The following RMDN1 variants were observed in gnomAD, a reference collection of about 807,000 sequenced individuals.
The protein encoded by RMDN1 is regulator of microtubule dynamics 1, also known as regulator of microtubule dynamics protein 1.
Under a neutral mutation model 48.9 loss-of-function variants are expected in RMDN1, and 48 were observed. The ratio of observed to expected loss-of-function variants is 0.98; its 90% CI spans 0.78 to 1.25. RMDN1 has a LOEUF of 1.25. Among genes scored for constraint, RMDN1 ranks in the 50% most tolerant of loss-of-function variants. The pLI is 0.00. For synonymous variants in RMDN1, 148 were observed against 132.6 expected (o/e 1.12, Z -0.80); for missense variants, 418 against 373.4 (o/e 1.12, Z -0.98).
At chr8:86,513,043 T>G (rs373605812), upstream of RMDN1, among the ~76,000 whole-genome samples, 56 of 150,776 alleles carry the variant, frequency 3.7e-4, 2 homozygotes, top group South Asian at 8.2e-3. Flanking sequence ...CTTCACCCAT[T>G]TTTCTATTGG....
chr8:86,470,288 A>C (rs1316968181), downstream of RMDN1: 1 of 1,289,222 alleles, frequency 7.8e-7, no homozygotes, highest in Non-Finnish European at 1.0e-6. Flanking sequence ...ACACAAGAAC[A>C]ATCAGGTGGG....
intron 2 of RMDN1, among the ~76,000 whole-genome samples, chr8:86,495,267 G>A (rs1817154358): frequency 6.6e-6 from 1 of 152,128 alleles, no homozygotes; most frequent in African/African-American, 2.4e-5. Flanking sequence ...AAGCTCCTAG[G>A]GAAAGGGTAA....
downstream of RMDN1, among the ~76,000 whole-genome samples, chr8:86,469,715 G>C (rs997490764): frequency 1.3e-5 from 2 of 152,122 alleles, no homozygotes; most frequent in African/African-American, 4.8e-5. Context: ...ACAACTAAAA[G>C]TTCTCCTGTA....
At chr8:86,484,612 G>T (rs1815139483) in intron 5 of RMDN1, 2 of 226,422 alleles carry the variant, frequency 8.8e-6, no homozygotes, top group Non-Finnish European at 1.7e-5. Context: ...CAGCTACTCG[G>T]GAGGCTGAGG....
chr8:86,511,597 C>A (rs1820047683), upstream of RMDN1, among the ~76,000 whole-genome samples: 1 of 152,032 alleles, frequency 6.6e-6, no homozygotes, highest in Non-Finnish European at 1.5e-5. Flanking sequence ...ATTTCTTGAG[C>A]TCAGGAGTTT....
At chr8:86,471,482 A>G (rs1423039842), downstream of RMDN1, among the ~76,000 whole-genome samples, 1 of 152,182 alleles carries the variant, frequency 6.6e-6, no homozygotes, top group Non-Finnish European at 1.5e-5. Flanking sequence ...ATTATTAGAT[A>G]TTTAAAAAAT....
At chr8:86,505,458 T>C in intron 2 of RMDN1, 1 of 423,528 alleles carries the variant, frequency 2.4e-6, no homozygotes, top group Non-Finnish European at 4.9e-6. Context: ...TACATATGAG[T>C]GTGGAAGGCA....
At chr8:86,500,447 C>A (rs1445054975) in intron 2 of RMDN1, among the ~76,000 whole-genome samples, 1 of 151,464 alleles carries the variant, frequency 6.6e-6, no homozygotes, top group Non-Finnish European at 1.5e-5. Context: ...ACTATCACCA[C>A]AGAAATGCAA....
chr8:86,482,236 T>C (rs1814616498), intron 5 of RMDN1: 1 of 328,966 alleles, frequency 3.0e-6, no homozygotes, highest in Middle Eastern at 9.7e-4. Context: ...ACGCTGTCTC[T>C]ACTAAAAATA....
intron 5 of RMDN1, chr8:86,481,999 A>C (rs1814558914): frequency 2.4e-6 from 2 of 839,364 alleles, no homozygotes; most frequent in South Asian, 2.9e-5. Flanking sequence ...GTCCAGGAGT[A>C]CAGTCCTATA....
At chr8:86,495,486 G>A (rs1334977798) in intron 2 of RMDN1, among the ~76,000 whole-genome samples, 1 of 152,110 alleles carries the variant, frequency 6.6e-6, no homozygotes, top group African/African-American at 2.4e-5. Flanking sequence ...CATTCCCCAA[G>A]GTCACCATAC....
chr8:86,476,860 T>C (rs994287548), intron 8 of RMDN1, among the ~76,000 whole-genome samples: 3 of 152,072 alleles, frequency 2.0e-5, no homozygotes, highest in African/African-American at 7.3e-5. Context: ...CACACCTGGC[T>C]AATTTTTATT....
chr8:86,481,333 A>G lies in RMDN1; in HGVS notation c.586-1001T>C, dbSNP rs536438618. 4.6e-5 allele frequency among the ~76,000 whole-genome samples: 7 copies of G among 152,320 alleles called. No homozygotes were observed. The South Asian group carries it at 1.4e-3, about 32-fold the overall frequency. On this transcript the variant is annotated intron_variant, in intron 5 of 9. Coordinates refer to ENST00000406452, the MANE Select transcript of RMDN1 (RefSeq NM_016033.3). ...TTAACTCATAAGGTTGTGGTAAAAA[A>G]TAAATAAGTATCTTAACATGTTTAT...
upstream of RMDN1, among the ~76,000 whole-genome samples, chr8:86,512,251 T>C (rs1374718274): frequency 1.3e-5 from 2 of 152,224 alleles, no homozygotes; most frequent in South Asian, 2.1e-4. Flanking sequence ...ATGGATACTA[T>C]ATATTCTGGA....
At chr8:86,512,970 C>A (rs189270683), upstream of RMDN1, among the ~76,000 whole-genome samples, 1 of 151,916 alleles carries the variant, frequency 6.6e-6, no homozygotes, top group African/African-American at 2.4e-5. Context: ...AAAGTTTTTA[C>A]TTAAGAATGT....
intron 5 of RMDN1, chr8:86,482,676 T>C (rs901654834): frequency 3.0e-5 from 27 of 886,030 alleles, no homozygotes; most frequent in Non-Finnish European, 4.4e-5. Flanking sequence ...AAAAAGACTT[T>C]ATGGAGTTCA....
intron 2 of RMDN1, chr8:86,504,551 T>C: frequency 1.5e-6 from 2 of 1,343,952 alleles, no homozygotes; most frequent in Non-Finnish European, 2.1e-6. Context: ...GTAGTTTCCC[T>C]ATTTCTGCTG....
chr8:86,492,442 T>C (rs1038599007), intron 2 of RMDN1, among the ~76,000 whole-genome samples: 2 of 151,816 alleles, frequency 1.3e-5, no homozygotes, highest in African/African-American at 4.8e-5. Context: ...CACCTGAGGT[T>C]AGGAGTTCAG....
intron 2 of RMDN1, among the ~76,000 whole-genome samples, chr8:86,497,983 C>A (rs1050353694): frequency 6.6e-6 from 1 of 151,948 alleles, no homozygotes; most frequent in Non-Finnish European, 1.5e-5. Context: ...GTGATCCCAG[C>A]TACTCGGGAG....
Sources: allele counts gnomAD v4.1 joint callset (sites outside exome capture counted in the v4.1 genomes callset), GRCh38; gene constraint gnomAD v4.1.1; transcripts MANE v1.5; gene names NCBI Gene and HGNC (gene_info 2026-07-23, HGNC 2026-07-21).